The following UGGT1 variants were observed in gnomAD, a reference collection of about 807,000 sequenced individuals.
UGGT1 encodes the protein UDP-glucose:glycoprotein glucosyltransferase 1.
A neutral mutation model predicts 203.9 loss-of-function variants in UGGT1; 107 were observed. The observed-to-expected ratio is 0.52, with a 90% confidence interval of 0.45 to 0.62. The LOEUF is 0.62. Ranked by LOEUF, UGGT1 falls within the 20% of genes least tolerant of loss-of-function variation. The pLI, the probability that UGGT1 is intolerant of heterozygous loss-of-function variation, is 0.00. For missense variants in UGGT1, 1,673 were observed against 1,867.2 expected, an observed-to-expected ratio of 0.90 and a Z score of 1.92; for synonymous variants, 628 against 653.5, an observed-to-expected ratio of 0.96 and a Z score of 0.59.
At chr2:128,174,729 T>C (rs376848133) in intron 30 of UGGT1, 44 bp from the exon 31 acceptor site, 231 of 1,424,028 alleles carry the variant, frequency 1.6e-4, no homozygotes, top group Non-Finnish European at 2.0e-4. Flanking sequence ...AATAACATTT[T>C]GGTGTTTTGA....
chr2:128,187,077 T>C (rs1445941451), intron 39 of UGGT1, among the ~76,000 whole-genome samples: 2 of 152,204 alleles, frequency 1.3e-5, no homozygotes, highest in African/African-American at 2.4e-5. Context: ...AATATTCTTA[T>C]CTTATAGAAT....
intron 40 of UGGT1, 52 bp from the exon 41 acceptor site, chr2:128,189,665 T>C: frequency 6.3e-7 from 1 of 1,587,220 alleles, no homozygotes; most frequent in East Asian, 2.2e-5. Flanking sequence ...TCAGTGGTGT[T>C]TGTAATTTGA....
chr2:128,144,750 T>A (rs774071992), intron 17 of UGGT1, among the ~76,000 whole-genome samples: 3 of 152,350 alleles, frequency 2.0e-5, no homozygotes, highest in African/African-American at 7.2e-5. Flanking sequence ...GCTTGTCTGA[T>A]TAGAAAGTAA....
At chr2:128,181,305 T>A (rs1374049438) in intron 36 of UGGT1, among the ~76,000 whole-genome samples, 2 of 152,240 alleles carry the variant, frequency 1.3e-5, no homozygotes, top group African/African-American at 4.8e-5. Flanking sequence ...TGTGTGCAGT[T>A]TTGTATCTGA....
chr2:128,182,218 A>G lies in UGGT1; in HGVS notation c.4172A>G (p.Glu1391Gly). The G allele has an allele frequency of 6.2e-7, 1 of 1,614,164 alleles. No homozygotes were observed. The highest frequency in any genetic ancestry group is 8.5e-7 in the Non-Finnish European group (1 of 1,180,028). Residue 1391 changes from glutamate (E) to glycine (G), a missense_variant, in exon 37 of 41, where the codon GAA becomes GGA. Coordinates refer to ENST00000259253, the MANE Select transcript of UGGT1 (RefSeq NM_020120.4). ...GYTPFCDSRR[E>G]MDGYRFWKSG... ...ACTCCTTTCTGTGACAGCCGAAGAGAAATGGACGGCTACAGGTTCTGGAAG... is the reference window on the plus strand; with the variant it reads ...ACTCCTTTCTGTGACAGCCGAAGAGGAATGGACGGCTACAGGTTCTGGAAG...
chr2:128,172,725 G>A lies in UGGT1; in HGVS notation c.3257G>A (p.Arg1086Lys). The A allele has an allele frequency of 6.2e-7, 1 of 1,614,066 alleles. No individual in the cohort carries two copies. ...TPESWMVESV[R>K]TPYDLDNIYL... Reference sequence around the variant, plus strand: ...GAGAGCTGGATGGTAGAATCTGTCAGAACACCATATGATCTTGATAATATT... The same window carrying A: ...GAGAGCTGGATGGTAGAATCTGTCAAAACACCATATGATCTTGATAATATT... The change falls in exon 29 of 41, where the codon AGA becomes AAA. Residue 1086 changes from arginine to lysine, a missense_variant. By Grantham distance (26) the Arg-to-Lys change is conservative. This residue lies in a region of UGGT1 where 513 missense variants were observed against 684.1 expected (regional missense o/e 0.75). Coordinates refer to ENST00000259253, the MANE Select transcript of UGGT1 (RefSeq NM_020120.4).
chr2:128,115,307 G>A lies in UGGT1; in HGVS notation c.793+87G>A, dbSNP rs999492069. 3 of 1,213,504 alleles carry A rather than the reference G, an allele frequency of 2.5e-6. No individual in the cohort carries two copies. In the African/African-American group the frequency reaches 4.5e-5, roughly 18 times the overall value. 75.2% of individuals were successfully genotyped at this position (1,213,504 alleles called of 1,614,324 possible). A position where few individuals can be genotyped will look rare whatever the true frequency, so the allele number is the denominator to read the frequency against. On this transcript the variant is annotated intron_variant, in intron 7 of 40. Transcript: ENST00000259253. ...TTCCATATGAAAAATAATAGATTTA[G>A]GTGTATGCTGAACCTGTGTTTGCAT... is the stretch of plus-strand genomic sequence containing the variant.
Position 128,173,801 on chromosome 2 carries a change from T to C in UGGT1, c.3315T>C (p.Ala1105=). The change falls in exon 30 of 41, where the codon GCT becomes GCC. Residue 1105 remains alanine (A), a synonymous_variant. Transcript: ENST00000259253. ...TGCAGGTGGACAGTGTAGTGGCTGC[T>C]GAGTATGAGCTGGAATACCTGTTAC... ...YLEEVDSVVA[A]EYELEYLLLE... The C allele has an allele frequency of 6.2e-7, 1 of 1,614,180 alleles. No homozygotes were observed. Among genetic ancestry groups the C allele is most frequent in the Non-Finnish European group, 8.5e-7 (1 of 1,180,024 alleles).
At chr2:128,159,254 C>T (rs191995901) in intron 22 of UGGT1, among the ~76,000 whole-genome samples, 2 of 152,022 alleles carry the variant, frequency 1.3e-5, no homozygotes, top group Admixed American at 6.5e-5. Flanking sequence ...CGCCCACCAC[C>T]ATGCCTGGCT....
chr2:128,095,532 C>CTCCTCCTGTCCT (rs1687082042), intron 1 of UGGT1, among the ~76,000 whole-genome samples: 2 of 150,724 alleles, frequency 1.3e-5, no homozygotes, highest in Admixed American at 1.3e-4. Context: ...CCTCCTGTCC[C>CTCCTCCTGTCCT]GTAACTCCTC....
chr2:128,147,819 C>T (rs1379713921), intron 18 of UGGT1, among the ~76,000 whole-genome samples: 1 of 152,000 alleles, frequency 6.6e-6, no homozygotes, highest in African/African-American at 2.4e-5. Context: ...TCTATGTTGC[C>T]CAGGCAGGTC....
rs570970453 is a variant in UGGT1 at position 128,164,910 on chromosome 2, A to G, written c.2921+85A>G. 3.0e-4 allele frequency: 286 copies of G among 969,308 alleles called. 2 individuals carry two copies. Among genetic ancestry groups the G allele is most frequent in the Non-Finnish European group, 2.1e-4 (140 of 672,114 alleles). 60.0% of individuals were successfully genotyped at this position (969,308 alleles called of 1,614,324 possible). On this transcript the variant is annotated intron_variant, in intron 26 of 40. Coordinates refer to ENST00000259253, the MANE Select transcript of UGGT1 (RefSeq NM_020120.4). ...TACCTCAGCTCCTTCATTTTTCCATATAAGATTTATATATAAGTTCTTACA... is the reference window on the plus strand; with the variant it reads ...TACCTCAGCTCCTTCATTTTTCCATGTAAGATTTATATATAAGTTCTTACA...
chr2:128,121,333 T>C, intron 10 of UGGT1, 35 bp downstream of exon 10: 1 of 1,449,708 alleles, frequency 6.9e-7, no homozygotes, highest in East Asian at 2.3e-5. Flanking sequence ...CTTAACATCA[T>C]ACCCAGTCAT....
Position 128,156,436 on chromosome 2 carries a change from G to T in UGGT1, c.2260+21G>T. The T allele has an allele frequency of 3.2e-6, 5 of 1,563,154 alleles. 1 individual carries two copies. The highest frequency in any genetic ancestry group is 1.7e-5 in the Admixed American group (1 of 58,666). On this transcript the variant is annotated intron_variant, in intron 21 of 40. Coordinates refer to ENST00000259253, the MANE Select transcript of UGGT1 (RefSeq NM_020120.4). Reference sequence around the variant, plus strand: ...CTATGGTAACTTAAAACTTCAGAATGTTCTATTTCTTAATTTTCTTCTTTG... The same window carrying T: ...CTATGGTAACTTAAAACTTCAGAATTTTCTATTTCTTAATTTTCTTCTTTG...
intron 18 of UGGT1, chr2:128,151,355 G>A: frequency 2.2e-6 from 1 of 465,076 alleles, no homozygotes; most frequent in Non-Finnish European, 4.0e-6. Context: ...CCCAGGCCCT[G>A]CAACCCTACT....
intron 18 of UGGT1, among the ~76,000 whole-genome samples, chr2:128,150,667 A>ATTT (rs1323338869): frequency 4.2e-5 from 2 of 47,794 alleles, no homozygotes; most frequent in Non-Finnish European, 1.1e-4. Context: ...TTAATTAATA[A>ATTT]CTTTTTTTTT....
At chr2:128,137,892 T>C (rs1039630182) in intron 15 of UGGT1, among the ~76,000 whole-genome samples, 1 of 152,234 alleles carries the variant, frequency 6.6e-6, no homozygotes, top group Non-Finnish European at 1.5e-5. Context: ...AGTATCTCTG[T>C]GGTTAATTCC....
chr2:128,133,075 A>C lies in UGGT1; in HGVS notation c.1378-66A>C, dbSNP rs1688957872. 2.6e-6 allele frequency: 4 copies of C among 1,564,190 alleles called. No individual in the cohort carries two copies. The Admixed American group carries it at 7.0e-5, about 27-fold the overall frequency. On this transcript the variant is annotated intron_variant, in intron 13 of 40. Coordinates refer to ENST00000259253, the MANE Select transcript of UGGT1 (RefSeq NM_020120.4). ...CTTAAAATATTTTAAAGTCTTATTG[A>C]TATTATTGCAGGTTTTACTAACTGG...
At chr2:128,135,086 T>G (rs1689073173) in intron 15 of UGGT1, 125 bp downstream of exon 15, 1 of 782,154 alleles carries the variant, frequency 1.3e-6, no homozygotes, top group Non-Finnish European at 2.1e-6. Context: ...AATGGCAATT[T>G]TATCTTCTGG....
Sources: gnomAD v4.1 joint callset for allele counts (sites outside exome capture counted in the v4.1 genomes callset) on GRCh38, gnomAD v4.1.1 for gene constraint, gnomAD v4.1.1 regional missense constraint, MANE v1.5 for transcripts, NCBI Gene and HGNC (gene_info 2026-07-23, HGNC 2026-07-21) for gene names.